Variants in KDM7A observed in about 807,000 individuals in gnomAD.
KDM7A encodes the protein lysine-specific demethylase 7A.
In KDM7A, 28 loss-of-function variants were observed where a neutral mutation model predicts 114.8. The ratio of observed to expected loss-of-function variants is 0.24; its 90% CI spans 0.18 to 0.33. KDM7A has a LOEUF of 0.33. Ranked by LOEUF, KDM7A falls within the 10% of genes least tolerant of loss-of-function variation. The probability of loss-of-function intolerance (pLI) is 1.00; values close to 1 mark genes in which losing one functional copy is unlikely to be tolerated. For synonymous variants in KDM7A, 423 were observed against 397.8 expected, an observed-to-expected ratio of 1.06 and a Z score of -0.75; for missense variants, 942 against 1,142.5, an observed-to-expected ratio of 0.82 and a Z score of 2.53.
At chr7:140,127,127 A>T (rs529509764) in intron 5 of KDM7A, among the ~76,000 whole-genome samples, 26 of 152,066 alleles carry the variant, frequency 1.7e-4, no homozygotes, top group Non-Finnish European at 3.5e-4. Flanking sequence ...TGCCCAGCTG[A>T]TTTTTGTATT....
intron 11 of KDM7A, among the ~76,000 whole-genome samples, chr7:140,105,482 G>C (rs1310106933): frequency 2.0e-5 from 3 of 152,174 alleles, no homozygotes; most frequent in Non-Finnish European, 4.4e-5. Flanking sequence ...ACTTTATTAA[G>C]AGTTTTTAGC....
chr7:140,138,172 G>C (rs1369708347), intron 2 of KDM7A, among the ~76,000 whole-genome samples: 1 of 152,036 alleles, frequency 6.6e-6, no homozygotes, highest in Non-Finnish European at 1.5e-5. Context: ...ACTGGGTGTA[G>C]TGAAGCATGC....
chr7:140,155,352 C>CCGT (rs964882092), intron 1 of KDM7A, among the ~76,000 whole-genome samples: 4 of 152,210 alleles, frequency 2.6e-5, no homozygotes, highest in African/African-American at 9.7e-5. Context: ...TACCTTTACC[C>CCGT]ACCAGGCATA....
intron 1 of KDM7A, among the ~76,000 whole-genome samples, chr7:140,142,323 A>T (rs2116825081): frequency 6.6e-6 from 1 of 151,750 alleles, no homozygotes; most frequent in Admixed American, 6.6e-5. Flanking sequence ...TTAAACTATA[A>T]AGAGTGAAAT....
At chr7:140,141,489 G>A (rs986644714) in intron 1 of KDM7A, among the ~76,000 whole-genome samples, 21 of 152,092 alleles carry the variant, frequency 1.4e-4, no homozygotes, top group Non-Finnish European at 2.5e-4. Flanking sequence ...ATATGTAACA[G>A]GAGGCACGGA....
rs1261587468 is a variant in KDM7A at position 140,084,888 on chromosome 7, A to AT, written c.*6205dup. 3.3e-5 allele frequency: 5 copies of AT among 152,266 alleles called. No homozygotes were observed. The highest frequency in any genetic ancestry group is 3.3e-4 in the Admixed American group (5 of 15,290). The allele number at this position is 152,266 out of a possible 1,614,324, so 9.4% of individuals were successfully genotyped here. ...GAAGTAATACAATTTTAATTTCAAT[A>AT]TTTTAAAATACAGAAATTGGAAAGA... On this transcript the variant is annotated 3_prime_UTR_variant, in exon 20 of 20. Transcript: ENST00000397560.
At chr7:140,091,657 T>C in intron 19 of KDM7A, 147 bp downstream of exon 19, 1 of 867,006 alleles carries the variant, frequency 1.2e-6, no homozygotes, top group Non-Finnish European at 1.8e-6. Flanking sequence ...TTTGTTCCTG[T>C]AGTAGCCTGT....
intron 1 of KDM7A, among the ~76,000 whole-genome samples, chr7:140,149,975 T>C (rs1794381602): frequency 1.3e-5 from 2 of 152,216 alleles, no homozygotes; most frequent in South Asian, 4.1e-4. Context: ...CTCTTAAATA[T>C]AGGTATTAGA....
At chr7:140,166,840 A>G (rs1223939051) in intron 1 of KDM7A, among the ~76,000 whole-genome samples, 1 of 152,240 alleles carries the variant, frequency 6.6e-6, no homozygotes, top group Non-Finnish European at 1.5e-5. Flanking sequence ...AAGAAGTACT[A>G]AAACTCTCTA....
intron 1 of KDM7A, among the ~76,000 whole-genome samples, chr7:140,152,197 T>G (rs766342449): frequency 5.9e-5 from 9 of 152,212 alleles, no homozygotes; most frequent in Non-Finnish European, 1.2e-4. Context: ...TAAGGAGAAC[T>G]TAATATCCTT....
chr7:140,152,750 A>G (rs1485513434), intron 1 of KDM7A, among the ~76,000 whole-genome samples: 1 of 152,230 alleles, frequency 6.6e-6, no homozygotes, highest in Non-Finnish European at 1.5e-5. Context: ...CGAAACATAC[A>G]AGTCAGGGCA....
chr7:140,088,621 TG>T lies in KDM7A; in HGVS notation c.*2472del, dbSNP rs1189024517. The T allele has an allele frequency of 1.0e-5, 4 of 397,160 alleles. No homozygotes were observed. The highest frequency in any genetic ancestry group is 2.1e-5 in the African/African-American group (1 of 48,574). 24.6% of individuals were successfully genotyped at this position (397,160 alleles called of 1,614,324 possible). On this transcript the variant is annotated 3_prime_UTR_variant, in exon 20 of 20. Transcript: ENST00000397560. ...TATAAGACGTTTGACCAGGAGTCAC[TG>T]GATCAGTGGCCGAATTTTCACCAAT...
chr7:140,090,755 TTAAA>T lies in KDM7A; in HGVS notation c.*335_*338del. 1 of 234,824 alleles carries T rather than the reference TTAAA, an allele frequency of 4.3e-6. No homozygotes were observed. Among genetic ancestry groups the T allele is most frequent in the Non-Finnish European group, 8.1e-6 (1 of 122,998 alleles). The allele number at this position is 234,824 out of a possible 1,614,324, so 14.5% of individuals were successfully genotyped here. On this transcript the variant is annotated 3_prime_UTR_variant, in exon 20 of 20. Transcript: ENST00000397560. ...GCTGTTAACTTTAAAAAAAAATCTG[TTAAA>T]TAAATTATTGATAATTCTTTACCCT...
Position 140,139,470 on chromosome 7 carries a change from T to C in KDM7A, c.195-280A>G, listed in dbSNP as rs563135243. Among the ~76,000 whole-genome samples, 3 of 152,290 alleles carry C rather than the reference T, an allele frequency of 2.0e-5. No homozygotes were observed. The South Asian group carries it at 6.2e-4, about 32-fold the overall frequency. On this transcript the variant is annotated intron_variant, in intron 1 of 19. Transcript: ENST00000397560. ...TAAGCCATAAAATCCTCAACCATTA[T>C]GTAAATGTCACTGTTATTAAATGTC... is the stretch of plus-strand genomic sequence containing the variant.
chr7:140,121,437 A>T (rs545945255), intron 7 of KDM7A, among the ~76,000 whole-genome samples: 1 of 152,314 alleles, frequency 6.6e-6, no homozygotes, highest in African/African-American at 2.4e-5. Flanking sequence ...CAAAGGACTC[A>T]CTTTCAAGTG....
chr7:140,094,380 C>A (rs1818070700), intron 17 of KDM7A, among the ~76,000 whole-genome samples: 1 of 152,124 alleles, frequency 6.6e-6, no homozygotes, highest in African/African-American at 2.4e-5. Flanking sequence ...TGGCGGACGC[C>A]TGTAATCTCA....
chr7:140,146,062 G>A (rs1399712231), intron 1 of KDM7A, among the ~76,000 whole-genome samples: 1 of 152,090 alleles, frequency 6.6e-6, no homozygotes, highest in East Asian at 1.9e-4. Context: ...GTCAGTGAAG[G>A]CTTCAGGTTT....
At chr7:140,101,471 C>T (rs1818224112) in intron 12 of KDM7A, among the ~76,000 whole-genome samples, 1 of 152,182 alleles carries the variant, frequency 6.6e-6, no homozygotes, top group Non-Finnish European at 1.5e-5. Flanking sequence ...CGGTTCAAAC[C>T]TGAGAGGCTC....
chr7:140,175,485 C>T (rs1349676654), intron 1 of KDM7A, among the ~76,000 whole-genome samples: 1 of 152,206 alleles, frequency 6.6e-6, no homozygotes, highest in Non-Finnish European at 1.5e-5. Flanking sequence ...GAGACAACAC[C>T]AAACGGGGCC....
Sources: gnomAD v4.1 joint callset for allele counts (sites outside exome capture counted in the v4.1 genomes callset) on GRCh38, gnomAD v4.1.1 for gene constraint, MANE v1.5 for transcripts, NCBI Gene and HGNC (gene_info 2026-07-23, HGNC 2026-07-21) for gene names.